The following BBS9 variants were observed in gnomAD, a reference collection of about 807,000 sequenced individuals.
BBS9 encodes protein PTHB1.
BBS9 carries 89 observed loss-of-function variants against 117.7 expected under a neutral mutation model. The observed-to-expected ratio is 0.76, with a 90% CI of 0.64 to 0.90. BBS9 has a LOEUF of 0.90. BBS9 is among the 40% of genes least tolerant of loss of function. The pLI, the probability that BBS9 is intolerant of heterozygous loss-of-function variation, is 0.00. For synonymous variants in BBS9, 379 were observed against 370.9 expected, an observed-to-expected ratio of 1.02 and a Z score of -0.25; for missense variants, 982 against 1,042.2, an observed-to-expected ratio of 0.94 and a Z score of 0.80.
At chr7:33,444,813 C>T (rs141046742) in intron 19 of BBS9, among the ~76,000 whole-genome samples, 6 of 152,256 alleles carry the variant, frequency 3.9e-5, no homozygotes, top group Admixed American at 6.5e-5. Context: ...AGAGGACATG[C>T]CCAGTATAAT....
chr7:33,427,909 AT>A (rs1833877092), intron 19 of BBS9, among the ~76,000 whole-genome samples: 3 of 152,190 alleles, frequency 2.0e-5, no homozygotes, highest in Non-Finnish European at 4.4e-5. Flanking sequence ...TATTTTATGC[AT>A]GAGGAAACTG....
chr7:33,189,759 G>A (rs1281103879), intron 5 of BBS9, among the ~76,000 whole-genome samples: 1 of 151,714 alleles, frequency 6.6e-6, no homozygotes, highest in Non-Finnish European at 1.5e-5. Flanking sequence ...GGTGGCATGT[G>A]CCTGTAGTCC....
chr7:33,247,338 A>T (rs1332888553), intron 5 of BBS9, among the ~76,000 whole-genome samples: 1 of 152,134 alleles, frequency 6.6e-6, no homozygotes, highest in Non-Finnish European at 1.5e-5. Context: ...GAGGAAACTG[A>T]TAGAGCTCCC....
intron 17 of BBS9, among the ~76,000 whole-genome samples, chr7:33,373,132 T>C (rs1351455360): frequency 6.6e-6 from 1 of 152,114 alleles, no homozygotes; most frequent in African/African-American, 2.4e-5. Flanking sequence ...GCACAATGAA[T>C]GAGAAAGTAC....
At chr7:33,500,734 A>G (rs1165626815) in intron 19 of BBS9, among the ~76,000 whole-genome samples, 1 of 152,206 alleles carries the variant, frequency 6.6e-6, no homozygotes, top group Non-Finnish European at 1.5e-5. Flanking sequence ...TTCACATAGT[A>G]TGATGATTCA....
chr7:33,570,332 C>A (rs1563378016), intron 21 of BBS9, among the ~76,000 whole-genome samples: 1 of 151,974 alleles, frequency 6.6e-6, no homozygotes, highest in Non-Finnish European at 1.5e-5. Flanking sequence ...ACAGCCAAAG[C>A]TGGAACAATT....
chr7:33,502,057 G>A (rs1241843575), intron 19 of BBS9, among the ~76,000 whole-genome samples: 2 of 152,040 alleles, frequency 1.3e-5, no homozygotes, highest in Non-Finnish European at 2.9e-5. Flanking sequence ...TTACAGGCAC[G>A]TGCCACCATG....
In BBS9 at chr7:33,177,567, T is replaced by A. The variant is rs188817948; in HGVS notation, c.418T>A (p.Tyr140Asn). Reference protein sequence around the residue: ...NLQRTACNMTYGSFGGVKGRD... With the variant: ...NLQRTACNMTNGSFGGVKGRD... ...TCAGAGAACAGCCTGCAATATGACC[T>A]ATGGATCATTTGGTGGTGTAAAAGG... is the stretch of plus-strand genomic sequence containing the variant. The change falls in exon 5 of 23, where the codon TAT becomes AAT. Residue 140 changes from tyrosine (Y) to asparagine (N), a missense_variant. Physicochemically the swap from Tyr to Asn is moderately radical, Grantham distance 143. Coordinates refer to ENST00000242067, the MANE Select transcript of BBS9 (RefSeq NM_198428.3). 1 of 1,612,558 alleles carries A rather than the reference T, an allele frequency of 6.2e-7. No individual in the cohort carries two copies. The highest frequency in any genetic ancestry group is 2.2e-5 in the East Asian group (1 of 44,818).
chr7:33,515,081 C>G (rs1847542934), intron 20 of BBS9, among the ~76,000 whole-genome samples: 1 of 152,116 alleles, frequency 6.6e-6, no homozygotes, highest in Non-Finnish European at 1.5e-5. Flanking sequence ...ACAATGCCAT[C>G]TACTCTAAGT....
At chr7:33,221,820 T>A (rs1164667594) in intron 5 of BBS9, among the ~76,000 whole-genome samples, 1 of 152,146 alleles carries the variant, frequency 6.6e-6, no homozygotes, top group African/African-American at 2.4e-5. Flanking sequence ...TTTACATTTT[T>A]AAAAAGTATT....
chr7:33,130,423 C>G lies in BBS9; in HGVS notation c.-12+382C>G, dbSNP rs1322585199. On this transcript the variant is annotated intron_variant, in intron 1 of 22. Coordinates refer to ENST00000242067, the MANE Select transcript of BBS9 (RefSeq NM_198428.3). ...AGGATTATTGTTTCTCCTCTTGTTA[C>G]TTGGAGACCACAACAGTTTAGATGA... Among the ~76,000 whole-genome samples, 3 of 152,176 alleles carry G rather than the reference C, an allele frequency of 2.0e-5. No homozygotes were observed. In the East Asian group the frequency reaches 5.8e-4, roughly 29 times the overall value.
At chr7:33,510,205 AT>A (rs762513205) in intron 20 of BBS9, among the ~76,000 whole-genome samples, 1 of 152,130 alleles carries the variant, frequency 6.6e-6, no homozygotes, top group African/African-American at 2.4e-5. Context: ...AGATTGGGCA[AT>A]TTTAAAATAA....
intron 9 of BBS9, among the ~76,000 whole-genome samples, chr7:33,323,919 C>T (rs886324872): frequency 6.8e-6 from 1 of 146,538 alleles, no homozygotes; most frequent in South Asian, 2.2e-4. Context: ...CTCACTGCAA[C>T]CTCTGCCTCA....
At chr7:33,371,199 A>G (rs368335693) in intron 17 of BBS9, among the ~76,000 whole-genome samples, 3 of 152,198 alleles carry the variant, frequency 2.0e-5, no homozygotes, top group African/African-American at 7.2e-5. Flanking sequence ...TAATATCTCT[A>G]TAGTTTATAT....
chr7:33,358,133 C>T, intron 16 of BBS9, 138 bp downstream of exon 16: 1 of 1,067,660 alleles, frequency 9.4e-7, no homozygotes, highest in Non-Finnish European at 1.4e-6. Flanking sequence ...AAGGATTTTT[C>T]CCTCCTTTGC....
At chr7:33,285,307 G>C (rs1455778680) in intron 9 of BBS9, among the ~76,000 whole-genome samples, 1 of 152,076 alleles carries the variant, frequency 6.6e-6, no homozygotes, top group African/African-American at 2.4e-5. Context: ...GCTTTCATGG[G>C]TTCCTATCAA....
chr7:33,352,980 A>G, intron 15 of BBS9, 107 bp downstream of exon 15: 2 of 1,187,838 alleles, frequency 1.7e-6, no homozygotes, highest in South Asian at 1.3e-5. Context: ...TGCTCTTTTA[A>G]CTAGAAGAAG....
chr7:33,403,066 C>T (rs1408562609), intron 19 of BBS9, among the ~76,000 whole-genome samples: 1 of 151,844 alleles, frequency 6.6e-6, no homozygotes, highest in East Asian at 1.9e-4. Flanking sequence ...TGTTTATATA[C>T]CATAATTCCT....
At chr7:33,420,556 G>A (rs933740874) in intron 19 of BBS9, among the ~76,000 whole-genome samples, 1 of 152,092 alleles carries the variant, frequency 6.6e-6, no homozygotes, top group Admixed American at 6.6e-5. Context: ...AGGTGCTTTG[G>A]TTCTGTGGCC....
Sources: allele counts gnomAD v4.1 joint callset (sites outside exome capture counted in the v4.1 genomes callset), GRCh38; gene constraint gnomAD v4.1.1; transcripts MANE v1.5; gene names NCBI Gene and HGNC (gene_info 2026-07-23, HGNC 2026-07-21).